KCTD16: variants seen among roughly 807,000 people sequenced by gnomAD.
KCTD16 encodes BTB/POZ domain-containing protein KCTD16.
A neutral mutation model predicts 33.2 loss-of-function variants in KCTD16; 13 were observed. The observed-to-expected ratio is 0.39, with a 90% CI of 0.25 to 0.62. KCTD16 has a LOEUF of 0.62. KCTD16 is among the 20% of genes least tolerant of loss of function. KCTD16 has a pLI of 0.50. For missense variants in KCTD16, 441 were observed against 525.1 expected, an observed-to-expected ratio of 0.84 and a Z score of 1.57; for synonymous variants, 197 against 195.3, an observed-to-expected ratio of 1.01 and a Z score of -0.07.
chr5:144,268,473 G>C (rs1209983662), intron 3 of KCTD16, among the ~76,000 whole-genome samples: 1 of 152,138 alleles, frequency 6.6e-6, no homozygotes, highest in Non-Finnish European at 1.5e-5. Context: ...TACAGGGAAA[G>C]TTAGAAAGTA....
intron 2 of KCTD16, among the ~76,000 whole-genome samples, chr5:144,182,064 A>G (rs1318009118): frequency 1.3e-5 from 2 of 150,642 alleles, no homozygotes; most frequent in Non-Finnish European, 2.9e-5. Context: ...TGGCCTGGGC[A>G]ACAAAAGTGA....
intron 3 of KCTD16, among the ~76,000 whole-genome samples, chr5:144,396,079 G>C (rs1036029283): frequency 4.3e-4 from 65 of 152,192 alleles, no homozygotes; most frequent in African/African-American, 1.5e-3. Flanking sequence ...TCTAGATTTT[G>C]GGGGTGGATG....
chr5:144,296,817 T>G (rs1756050257), intron 3 of KCTD16, among the ~76,000 whole-genome samples: 1 of 152,224 alleles, frequency 6.6e-6, no homozygotes, highest in Non-Finnish European at 1.5e-5. Context: ...TCCTTCTCAC[T>G]TTCTCTTCCC....
intron 2 of KCTD16, among the ~76,000 whole-genome samples, chr5:144,181,025 C>T (rs997695277): frequency 7.3e-4 from 111 of 152,072 alleles, no homozygotes; most frequent in African/African-American, 2.5e-3. Context: ...CTCCGCCTCC[C>T]GGGTTCACGC....
At chr5:144,174,610 G>A (rs1337134316) in intron 2 of KCTD16, 138 bp downstream of exon 2, 1 of 152,062 alleles carries the variant, frequency 6.6e-6, no homozygotes, top group Non-Finnish European at 1.5e-5. Context: ...CCTGTACTAG[G>A]TTATTCAAAT....
At chr5:144,260,838 G>A (rs1031048658) in intron 3 of KCTD16, among the ~76,000 whole-genome samples, 14 of 151,924 alleles carry the variant, frequency 9.2e-5, no homozygotes, top group Admixed American at 3.3e-4. Context: ...TTATCTTGCC[G>A]AAAGAGACTA....
chr5:144,235,487 T>C (rs1754226171), intron 3 of KCTD16, among the ~76,000 whole-genome samples: 1 of 152,114 alleles, frequency 6.6e-6, no homozygotes, highest in African/African-American at 2.4e-5. Flanking sequence ...CTTGACCTTG[T>C]GCACACAAGT....
chr5:144,237,818 C>T (rs1049873261), intron 3 of KCTD16, among the ~76,000 whole-genome samples: 4 of 152,084 alleles, frequency 2.6e-5, no homozygotes, highest in African/African-American at 9.7e-5. Flanking sequence ...ATCTGTAAGA[C>T]CCACACTAAG....
At chr5:144,459,059 A>G (rs1441561344) in intron 3 of KCTD16, among the ~76,000 whole-genome samples, 1 of 152,240 alleles carries the variant, frequency 6.6e-6, no homozygotes, top group Non-Finnish European at 1.5e-5. Flanking sequence ...AGAAGGACTA[A>G]CCAAGTAAGT....
chr5:144,414,720 C>T (rs1178440832), intron 3 of KCTD16, among the ~76,000 whole-genome samples: 2 of 152,142 alleles, frequency 1.3e-5, no homozygotes, highest in Admixed American at 6.5e-5. Flanking sequence ...TCTACTTATG[C>T]CTCAATTTTT....
chr5:144,345,093 A>G, intron 3 of KCTD16, among the ~76,000 whole-genome samples: 1 of 151,736 alleles, frequency 6.6e-6, no homozygotes, highest in Non-Finnish European at 1.5e-5. Flanking sequence ...TTCTCAGTAA[A>G]CTATTGCAAG....
intron 3 of KCTD16, among the ~76,000 whole-genome samples, chr5:144,388,585 T>C (rs953125682): frequency 7.2e-5 from 11 of 152,150 alleles, no homozygotes; most frequent in African/African-American, 2.7e-4. Flanking sequence ...ATTTTAACCC[T>C]AGAAATGTAA....
At chr5:144,232,569 C>A (rs1402678506) in intron 3 of KCTD16, among the ~76,000 whole-genome samples, 1 of 152,146 alleles carries the variant, frequency 6.6e-6, no homozygotes, top group East Asian at 1.9e-4. Context: ...GCTATCAAAT[C>A]GTCTTTTTCT....
At chr5:144,304,733 G>T (rs1414889548) in intron 3 of KCTD16, among the ~76,000 whole-genome samples, 1 of 152,150 alleles carries the variant, frequency 6.6e-6, no homozygotes, top group African/African-American at 2.4e-5. Context: ...TTTGGTCCCA[G>T]GAGATCATCA....
intron 3 of KCTD16, among the ~76,000 whole-genome samples, chr5:144,285,371 C>T (rs1755716288): frequency 6.6e-6 from 1 of 152,208 alleles, no homozygotes; most frequent in Non-Finnish European, 1.5e-5. Context: ...CTGAAAGCAT[C>T]TCAGAATGAA....
At chr5:144,241,033 A>T (rs78676231) in intron 3 of KCTD16, among the ~76,000 whole-genome samples, 1,742 of 152,210 alleles carry the variant, frequency 0.011, 33 homozygotes, top group African/African-American at 0.039. Context: ...TCCCTGTATT[A>T]TATCTTTCAT....
At chr5:144,309,571 A>G (rs987695229) in intron 3 of KCTD16, among the ~76,000 whole-genome samples, 1 of 152,168 alleles carries the variant, frequency 6.6e-6, no homozygotes, top group South Asian at 2.1e-4. Flanking sequence ...GAGAGACCAG[A>G]CAAACTTCTG....
rs1353221660 is a variant in KCTD16 at position 144,452,793 on chromosome 5, AAG to A, written c.833-20865_833-20864del. On this transcript the variant is annotated intron_variant, in intron 3 of 3. Coordinates refer to ENST00000512467, the MANE Select transcript of KCTD16 (RefSeq NM_020768.4). ...AAGAATAAAAAAAAAAAAAGGAAAA[AAG>A]AAGCCTCACACCAAGAGTATAGGGA... Among the ~76,000 whole-genome samples the A allele has an allele frequency of 3.3e-5, 5 of 151,926 alleles. No individual in the cohort carries two copies. The East Asian group carries it at 9.7e-4, about 29-fold the overall frequency.
intron 3 of KCTD16, among the ~76,000 whole-genome samples, chr5:144,279,865 T>A (rs187106025): frequency 6.6e-6 from 1 of 152,372 alleles, no homozygotes; most frequent in Non-Finnish European, 1.5e-5. Flanking sequence ...ATTTCTCATT[T>A]GCTAAGAGTA....
Sources: gnomAD v4.1 joint callset for allele counts (sites outside exome capture counted in the v4.1 genomes callset) on GRCh38, gnomAD v4.1.1 for gene constraint, MANE v1.5 for transcripts, NCBI Gene and HGNC (gene_info 2026-07-23, HGNC 2026-07-21) for gene names.